TBC1D22B: variants seen among roughly 807,000 people sequenced by gnomAD.
TBC1D22B encodes chromosome 6 open reading frame 197.
TBC1D22B carries 32 observed loss-of-function variants against 69.1 expected under a neutral mutation model. The ratio of observed to expected loss-of-function variants is 0.46; its 90% CI spans 0.35 to 0.62. TBC1D22B has a LOEUF of 0.62. Among genes scored for constraint, TBC1D22B ranks in the 20% least tolerant of loss-of-function variants. The probability of loss-of-function intolerance (pLI) is 0.00; values close to 1 mark genes in which losing one functional copy is unlikely to be tolerated. For synonymous variants in TBC1D22B, 206 were observed against 229.8 expected (o/e 0.90, Z 0.94); for missense variants, 462 against 630.9 (o/e 0.73, Z 2.87).
intron 2 of TBC1D22B, among the ~76,000 whole-genome samples, chr6:37,274,612 C>T (rs1043281588): frequency 6.6e-6 from 1 of 152,324 alleles, no homozygotes; most frequent in Non-Finnish European, 1.5e-5. Context: ...TAGTAAGACT[C>T]ATTTCACAGA....
Position 37,257,821 on chromosome 6 carries a change from G to C in TBC1D22B, c.-97G>C. 7.2e-7 allele frequency: 1 copy of C among 1,390,622 alleles called. No homozygotes were observed. The highest frequency in any genetic ancestry group is 2.5e-5 in the East Asian group (1 of 39,886). 86.1% of individuals were successfully genotyped at this position (1,390,622 alleles called of 1,614,324 possible). ...GCTGGGAGCGGGTGACCGGCGGCGG[G>C]GAAGCGGCCTGGGTTGGCCCTCAGA... On this transcript the variant is annotated 5_prime_UTR_variant, in exon 1 of 13. Transcript: ENST00000373491.
chr6:37,259,916 C>G (rs2113965061), intron 1 of TBC1D22B, among the ~76,000 whole-genome samples: 1 of 152,226 alleles, frequency 6.6e-6, no homozygotes, highest in African/African-American at 2.4e-5. Flanking sequence ...CTCAAAAAAA[C>G]AGTAGTTATT....
intron 12 of TBC1D22B, among the ~76,000 whole-genome samples, chr6:37,328,834 C>T (rs1768503730): frequency 6.6e-6 from 1 of 152,040 alleles, no homozygotes; most frequent in Non-Finnish European, 1.5e-5. Context: ...TGAAGCAGTT[C>T]TCCTGCCTCA....
At chr6:37,314,493 G>T (rs2113782781) in intron 10 of TBC1D22B, among the ~76,000 whole-genome samples, 1 of 152,260 alleles carries the variant, frequency 6.6e-6, no homozygotes, top group African/African-American at 2.4e-5. Context: ...CTCTTCCTAA[G>T]GCACATGTCT....
chr6:37,319,897 A>G (rs1450540955), intron 12 of TBC1D22B, among the ~76,000 whole-genome samples: 1 of 152,214 alleles, frequency 6.6e-6, no homozygotes, highest in African/African-American at 2.4e-5. Context: ...TTTTGCAGAG[A>G]AAGTAGGCAC....
chr6:37,316,482 G>A (rs1405948519), intron 10 of TBC1D22B, among the ~76,000 whole-genome samples: 1 of 152,216 alleles, frequency 6.6e-6, no homozygotes, highest in African/African-American at 2.4e-5. Flanking sequence ...ATCACTGGGG[G>A]ATGTTAAAAT....
At chr6:37,314,030 G>A (rs537289514) in intron 10 of TBC1D22B, 139 bp downstream of exon 10, 48 of 748,104 alleles carry the variant, frequency 6.4e-5, no homozygotes, top group African/African-American at 5.0e-4. Context: ...TGGCAGCACC[G>A]GGATCCTTCC....
intron 12 of TBC1D22B, among the ~76,000 whole-genome samples, chr6:37,318,425 C>G (rs544281099): frequency 8.3e-4 from 127 of 152,282 alleles, no homozygotes; most frequent in Non-Finnish European, 1.6e-3. Flanking sequence ...TTTGAAGTAC[C>G]ATTAGACGTC....
At position 37,272,450 on chromosome 6, in the gene TBC1D22B, C is replaced by T. The variant is rs1315172167; in HGVS notation, c.113+2800C>T. Reference sequence around the variant, plus strand: ...GATCAGGGCTCACTGCAGCCTTGACCTCCTGGGCTGAAGCTGTCCTCCTGC... The same window carrying T: ...GATCAGGGCTCACTGCAGCCTTGACTTCCTGGGCTGAAGCTGTCCTCCTGC... On this transcript the variant is annotated intron_variant, in intron 2 of 12. Coordinates refer to ENST00000373491, the MANE Select transcript of TBC1D22B (RefSeq NM_017772.4). 4.0e-5 allele frequency among the ~76,000 whole-genome samples: 6 copies of T among 151,794 alleles called. No homozygotes were observed. In the East Asian group the frequency reaches 1.2e-3, roughly 29 times the overall value.
At chr6:37,266,085 C>T (rs986088405) in intron 1 of TBC1D22B, among the ~76,000 whole-genome samples, 4 of 152,228 alleles carry the variant, frequency 2.6e-5, no homozygotes, top group African/African-American at 7.2e-5. Flanking sequence ...GCATTACCAC[C>T]CACCAGGAAT....
intron 10 of TBC1D22B, among the ~76,000 whole-genome samples, chr6:37,315,237 G>A (rs529549141): frequency 7.0e-4 from 107 of 152,272 alleles, no homozygotes; most frequent in African/African-American, 2.5e-3. Flanking sequence ...TATCTTGGAT[G>A]TTTCTTTGCA....
At chr6:37,282,795 G>A in intron 4 of TBC1D22B, 87 bp from the exon 5 acceptor site, 1 of 1,294,272 alleles carries the variant, frequency 7.7e-7, no homozygotes, top group Non-Finnish European at 1.1e-6. Context: ...TTACATGGAT[G>A]GAAGGAGACA....
intron 12 of TBC1D22B, among the ~76,000 whole-genome samples, chr6:37,319,638 C>T (rs887072384): frequency 2.6e-5 from 4 of 152,182 alleles, no homozygotes; most frequent in East Asian, 3.8e-4. Context: ...ATTAACACCT[C>T]GATTAATCCT....
At chr6:37,279,855 A>G (rs897541998) in intron 3 of TBC1D22B, among the ~76,000 whole-genome samples, 1 of 152,124 alleles carries the variant, frequency 6.6e-6, no homozygotes, top group Non-Finnish European at 1.5e-5. Flanking sequence ...GTTGTTTGCC[A>G]TTCTCCTCTT....
intron 2 of TBC1D22B, among the ~76,000 whole-genome samples, chr6:37,276,905 T>A (rs191597682): frequency 0.011 from 1,627 of 142,590 alleles, 13 homozygotes; most frequent in Non-Finnish European, 0.016. Flanking sequence ...CAAACAAAAA[T>A]ATATATATAT....
intron 8 of TBC1D22B, among the ~76,000 whole-genome samples, chr6:37,293,259 A>G (rs980498880): frequency 6.6e-6 from 1 of 151,768 alleles, no homozygotes; most frequent in African/African-American, 2.4e-5. Flanking sequence ...TTGTGTTTTT[A>G]GTAGAGATGG....
rs141087302 is a variant in TBC1D22B at position 37,290,889 on chromosome 6, G to C, written c.868-354G>C. Among the ~76,000 whole-genome samples, 357 of 152,202 alleles carry C rather than the reference G, an allele frequency of 2.3e-3. 1 individual carries two copies. Among genetic ancestry groups the C allele is most frequent in the African/African-American group, 7.9e-3 (330 of 41,514 alleles). The stretch of plus-strand genomic sequence containing the variant: ...GGGATGTCCTGATATCTTGCTCTTG[G>C]AAATAGGAAACCATATCTACAGATG... On this transcript the variant is annotated intron_variant, in intron 7 of 12. Transcript: ENST00000373491.
rs149035515 is a variant in TBC1D22B, at chr6:37,282,292, C to A, written c.529C>A (p.Pro177Thr). The A allele has an allele frequency of 2.5e-6, 4 of 1,614,144 alleles. No homozygotes were observed. Among genetic ancestry groups the A allele is most frequent in the Non-Finnish European group, 1.7e-6 (2 of 1,180,014 alleles). ...ISDQNASGAP[P>T]MTVREKTRLE... ...GGATCAGAACGCTTCTGGGGCCCCC[C>A]CAATGACTGTCCGGGAGAAAACCCG... Residue 177 changes from proline (P) to threonine (T), a missense_variant, in exon 4 of 13, where the codon CCA becomes ACA. Physicochemically the swap from Pro to Thr is conservative, Grantham distance 38 (BLOSUM62 -1). Coordinates refer to ENST00000373491, the MANE Select transcript of TBC1D22B (RefSeq NM_017772.4).
At chr6:37,313,994 AC>A (rs1768003485) in intron 10 of TBC1D22B, 103 bp downstream of exon 10, 3 of 1,082,902 alleles carry the variant, frequency 2.8e-6, no homozygotes. Flanking sequence ...CCTAGCCATG[AC>A]CCTTTCCAGC....
Sources: allele counts gnomAD v4.1 joint callset (sites outside exome capture counted in the v4.1 genomes callset), GRCh38; gene constraint gnomAD v4.1.1; transcripts MANE v1.5; gene names NCBI Gene and HGNC (gene_info 2026-07-23, HGNC 2026-07-21).